The following AGBL4 variants were observed in gnomAD, a reference collection of about 807,000 sequenced individuals.
AGBL4 encodes the protein AGBL carboxypeptidase 4, also known as cytosolic carboxypeptidase 6.
A neutral mutation model predicts 66.4 loss-of-function variants in AGBL4; 58 were observed. The ratio of observed to expected loss-of-function variants is 0.87; its 90% CI spans 0.71 to 1.09. The LOEUF (loss-of-function observed/expected upper bound fraction) is 1.09, where lower values mean the gene tolerates loss of function less well. AGBL4 is among the 50% of genes least tolerant of loss of function. The probability of loss-of-function intolerance (pLI) is 0.00; values close to 1 mark genes in which losing one functional copy is unlikely to be tolerated. For missense variants in AGBL4, 579 were observed against 631.0 expected (o/e 0.92, Z 0.88); for synonymous variants, 234 against 222.9 (o/e 1.05, Z -0.44).
At chr1:48,768,337 A>G (rs1408159601) in intron 6 of AGBL4, among the ~76,000 whole-genome samples, 1 of 152,226 alleles carries the variant, frequency 6.6e-6, no homozygotes. Context: ...TATGGAAGCC[A>G]CAAAGCTCTA....
chr1:48,754,905 G>C (rs1293348599), intron 6 of AGBL4, among the ~76,000 whole-genome samples: 1 of 152,164 alleles, frequency 6.6e-6, no homozygotes, highest in Non-Finnish European at 1.5e-5. Context: ...GGGGTCAGAA[G>C]ACCCTTAGGA....
At chr1:48,780,108 A>G (rs977044810) in intron 6 of AGBL4, among the ~76,000 whole-genome samples, 2 of 151,966 alleles carry the variant, frequency 1.3e-5, no homozygotes, top group African/African-American at 4.8e-5. Flanking sequence ...TACACATGCC[A>G]TGATGGTTTG....
At chr1:49,907,130 G>A (rs1032313060) in intron 1 of AGBL4, among the ~76,000 whole-genome samples, 5 of 152,010 alleles carry the variant, frequency 3.3e-5, no homozygotes, top group African/African-American at 1.2e-4. Flanking sequence ...CATATGAGTT[G>A]AATTATAAAC....
At chr1:49,026,666 A>G (rs1318544202) in intron 5 of AGBL4, among the ~76,000 whole-genome samples, 1 of 152,196 alleles carries the variant, frequency 6.6e-6, no homozygotes, top group Admixed American at 6.5e-5. Flanking sequence ...ACAGTCAAAC[A>G]TAATGACTTT....
intron 9 of AGBL4, among the ~76,000 whole-genome samples, chr1:48,621,958 T>G (rs534541037): frequency 2.2e-4 from 33 of 152,094 alleles, no homozygotes; most frequent in Non-Finnish European, 3.8e-4. Context: ...AAGATTTTTT[T>G]TTCTCTCTCT....
At chr1:49,637,749 T>A (rs761705986) in intron 3 of AGBL4, among the ~76,000 whole-genome samples, 3 of 151,820 alleles carry the variant, frequency 2.0e-5, no homozygotes, top group Non-Finnish European at 2.9e-5. Context: ...TAGCAACAAA[T>A]TAAAAAATAA....
chr1:48,903,163 C>T (rs902179169), intron 5 of AGBL4, among the ~76,000 whole-genome samples: 1 of 152,198 alleles, frequency 6.6e-6, no homozygotes, highest in African/African-American at 2.4e-5. Context: ...TGGAATTTGT[C>T]TGCAACTCTG....
intron 6 of AGBL4, among the ~76,000 whole-genome samples, chr1:48,719,519 G>C (rs894990186): frequency 6.6e-5 from 10 of 152,132 alleles, no homozygotes; most frequent in Non-Finnish European, 1.5e-4. Flanking sequence ...CCACCCTTCA[G>C]TGTGTCCATG....
At chr1:49,305,196 C>T (rs1368626757) in intron 3 of AGBL4, among the ~76,000 whole-genome samples, 2 of 152,184 alleles carry the variant, frequency 1.3e-5, no homozygotes, top group East Asian at 3.9e-4. Flanking sequence ...TCTGGTATTA[C>T]ACTGGCATCT....
At chr1:48,639,217 T>C (rs1367136041) in intron 8 of AGBL4, among the ~76,000 whole-genome samples, 1 of 152,248 alleles carries the variant, frequency 6.6e-6, no homozygotes, top group Non-Finnish European at 1.5e-5. Flanking sequence ...CTAAAGCATT[T>C]GTGATATTCT....
intron 4 of AGBL4, among the ~76,000 whole-genome samples, chr1:49,058,732 T>G (rs1461912918): frequency 6.6e-6 from 1 of 152,168 alleles, no homozygotes; most frequent in Non-Finnish European, 1.5e-5. Context: ...GTTGAATGGC[T>G]TTGGCCAAAA....
rs1374885385 is a variant in AGBL4 at position 49,284,135 on chromosome 1, C to T, written c.283-38271G>A. Among the ~76,000 whole-genome samples, 4 of 152,100 alleles carry T rather than the reference C, an allele frequency of 2.6e-5. No individual in the cohort carries two copies. The East Asian group carries it at 7.7e-4, about 29-fold the overall frequency. On this transcript the variant is annotated intron_variant, in intron 3 of 13. Coordinates refer to ENST00000371839, the MANE Select transcript of AGBL4 (RefSeq NM_032785.4). ...AGCCAGAGAGAAAGGTCGGGTTACC[C>T]TCAAAGGGAAGCCCATCAGACTAAC... is the stretch of plus-strand genomic sequence containing the variant.
chr1:48,946,373 G>T (rs980895553), intron 5 of AGBL4, among the ~76,000 whole-genome samples: 1 of 152,194 alleles, frequency 6.6e-6, no homozygotes, highest in South Asian at 2.1e-4. Context: ...CCAATTACAG[G>T]AGATATTCAC....
chr1:49,718,704 A>G (rs1648355023), intron 2 of AGBL4, among the ~76,000 whole-genome samples: 1 of 152,042 alleles, frequency 6.6e-6, no homozygotes, highest in Admixed American at 6.6e-5. Context: ...AACTTATATT[A>G]TAAGTTGATT....
At chr1:48,618,378 T>G (rs140716444) in intron 9 of AGBL4, among the ~76,000 whole-genome samples, 1 of 152,186 alleles carries the variant, frequency 6.6e-6, no homozygotes, top group Non-Finnish European at 1.5e-5. Context: ...CTGGAGTGCA[T>G]GTGCTCCAAG....
intron 4 of AGBL4, among the ~76,000 whole-genome samples, chr1:49,199,433 G>T (rs2148226094): frequency 6.6e-6 from 1 of 152,272 alleles, no homozygotes; most frequent in East Asian, 1.9e-4. Context: ...ATTACTGAAA[G>T]GGGCATCAGA....
intron 2 of AGBL4, among the ~76,000 whole-genome samples, chr1:49,799,833 C>T (rs1382242433): frequency 6.6e-6 from 1 of 151,996 alleles, no homozygotes; most frequent in Non-Finnish European, 1.5e-5. Context: ...TAATGATGTC[C>T]ATATGTTTGC....
intron 11 of AGBL4, among the ~76,000 whole-genome samples, chr1:48,567,823 G>A (rs950033930): frequency 2.0e-5 from 3 of 152,096 alleles, no homozygotes; most frequent in Admixed American, 6.5e-5. Context: ...ATGACTCTCC[G>A]AGAAATTTTT....
chr1:49,916,086 G>A (rs866062978), intron 1 of AGBL4, among the ~76,000 whole-genome samples: 8 of 152,102 alleles, frequency 5.3e-5, no homozygotes, highest in Non-Finnish European at 7.4e-5. Context: ...CCATCTGTAC[G>A]TCACCATCAT....
Sources: gnomAD v4.1 joint callset for allele counts (sites outside exome capture counted in the v4.1 genomes callset) on GRCh38, gnomAD v4.1.1 for gene constraint, MANE v1.5 for transcripts, NCBI Gene and HGNC (gene_info 2026-07-23, HGNC 2026-07-21) for gene names.